The following CDYL2 variants were observed in gnomAD, a reference collection of about 807,000 sequenced individuals.
CDYL2 encodes chromodomain Y-like protein 2.
A neutral mutation model predicts 49.4 loss-of-function variants in CDYL2; 23 were observed. The ratio of observed to expected loss-of-function variants is 0.47; its 90% CI spans 0.34 to 0.66. The LOEUF is 0.66. CDYL2 is among the 30% of genes least tolerant of loss of function. CDYL2 has a pLI of 0.01. For synonymous variants in CDYL2, 360 were observed against 268.8 expected, an observed-to-expected ratio of 1.34 and a Z score of -3.32; for missense variants, 678 against 656.4, an observed-to-expected ratio of 1.03 and a Z score of -0.36.
intron 1 of CDYL2, among the ~76,000 whole-genome samples, chr16:80,750,644 G>A (rs555651398): frequency 8.8e-4 from 129 of 147,268 alleles, no homozygotes; most frequent in Middle Eastern, 3.8e-3. Context: ...ATCTGACTAA[G>A]CTAATAATCA....
chr16:80,724,101 A>C (rs1477863191), intron 1 of CDYL2, among the ~76,000 whole-genome samples: 4 of 151,272 alleles, frequency 2.6e-5, no homozygotes, highest in African/African-American at 9.7e-5. Flanking sequence ...GGAAGGAAAA[A>C]GAAGAGGAAG....
intron 2 of CDYL2, among the ~76,000 whole-genome samples, chr16:80,644,436 G>T (rs1409314085): frequency 2.0e-5 from 3 of 152,092 alleles, no homozygotes; most frequent in African/African-American, 7.2e-5. Context: ...CCACATTTTT[G>T]GGTACCTTTT....
rs373278730 is a variant in CDYL2, at chr16:80,623,240, G to A, written c.835-2305C>T. On this transcript the variant is annotated intron_variant, in intron 3 of 6. Coordinates refer to ENST00000570137, the MANE Select transcript of CDYL2 (RefSeq NM_152342.4). ...CCAGAAGGTCCACATGCGCCTCTGG[G>A]GCTACGGTTGGGCACAAGCTCCACT... Among the ~76,000 whole-genome samples the A allele has an allele frequency of 2.3e-4, 35 of 152,054 alleles. 2 individuals are homozygous for A. The South Asian group carries it at 6.7e-3, about 29-fold the overall frequency.
At chr16:80,689,673 G>A (rs540588457) in intron 1 of CDYL2, among the ~76,000 whole-genome samples, 3 of 152,318 alleles carry the variant, frequency 2.0e-5, no homozygotes, top group South Asian at 4.1e-4. Flanking sequence ...ACGGCTTCAC[G>A]GAAGTGACGC....
chr16:80,721,959 G>A (rs749460840), intron 1 of CDYL2, among the ~76,000 whole-genome samples: 2 of 152,188 alleles, frequency 1.3e-5, no homozygotes, highest in South Asian at 4.1e-4. Context: ...CCCAGTTCTG[G>A]TGTCTGTTAG....
chr16:80,721,541 G>A (rs1257385607), intron 1 of CDYL2, among the ~76,000 whole-genome samples: 4 of 152,176 alleles, frequency 2.6e-5, no homozygotes, highest in East Asian at 3.9e-4. Flanking sequence ...TGCCTTGTCT[G>A]CAGGAGCCCA....
intron 6 of CDYL2, among the ~76,000 whole-genome samples, chr16:80,606,033 C>T (rs980585637): frequency 2.6e-5 from 4 of 152,230 alleles, no homozygotes; most frequent in Admixed American, 1.3e-4. Flanking sequence ...GTGAGGCCTT[C>T]GTGCATTCTT....
rs112503776 is a variant in CDYL2 at position 80,765,929 on chromosome 16, G to C, written c.24+38221C>G. Among the ~76,000 whole-genome samples, 9 of 148,404 alleles carry C rather than the reference G, an allele frequency of 6.1e-5. No homozygotes were observed. In the East Asian group the frequency reaches 1.6e-3, roughly 26 times the overall value. On this transcript the variant is annotated intron_variant, in intron 1 of 6. Transcript: ENST00000570137. ...AAGTACTGATACAAGCGACAACATG[G>C]ATGAACCTTGAAAACATTATGTTAA... is the stretch of plus-strand genomic sequence containing the variant.
intron 1 of CDYL2, 51 bp from the exon 2 acceptor site, chr16:80,685,180 A>T: frequency 6.9e-7 from 1 of 1,458,752 alleles, no homozygotes. Context: ...GGAGGAAAAA[A>T]CTCAGTTCGA....
chr16:80,761,333 A>G (rs1271562679), intron 1 of CDYL2, among the ~76,000 whole-genome samples: 1 of 152,180 alleles, frequency 6.6e-6, no homozygotes, highest in Non-Finnish European at 1.5e-5. Context: ...TACCACTGTG[A>G]GCTTCTGTTT....
intron 1 of CDYL2, among the ~76,000 whole-genome samples, chr16:80,698,800 C>T (rs1904287153): frequency 6.6e-6 from 1 of 152,122 alleles, no homozygotes; most frequent in South Asian, 2.1e-4. Context: ...AGCCACTTTG[C>T]TTCCTGTAGA....
chr16:80,690,402 C>G (rs73593020), intron 1 of CDYL2, among the ~76,000 whole-genome samples: 135 of 152,296 alleles, frequency 8.9e-4, no homozygotes, highest in African/African-American at 3.0e-3. Context: ...ACCATCACCA[C>G]CTAACCTTGA....
chr16:80,780,786 A>G (rs1907239420), intron 1 of CDYL2, among the ~76,000 whole-genome samples: 1 of 152,174 alleles, frequency 6.6e-6, no homozygotes, highest in Non-Finnish European at 1.5e-5. Flanking sequence ...CAACAACATA[A>G]GGCTAATGTC....
At chr16:80,606,317 G>C (rs187377455) in intron 6 of CDYL2, among the ~76,000 whole-genome samples, 2 of 152,282 alleles carry the variant, frequency 1.3e-5, no homozygotes, top group East Asian at 3.9e-4. Context: ...CACAGCTTTT[G>C]GCAGCAGAGA....
At chr16:80,627,547 T>C (rs919100130) in intron 3 of CDYL2, 7 of 152,256 alleles carry the variant, frequency 4.6e-5, no homozygotes, top group African/African-American at 1.7e-4. Context: ...TCTCTTTTCT[T>C]TCCTTTTGGT....
chr16:80,673,296 G>A (rs1475006819), intron 2 of CDYL2, among the ~76,000 whole-genome samples: 1 of 151,928 alleles, frequency 6.6e-6, no homozygotes, highest in Non-Finnish European at 1.5e-5. Context: ...CTCCAGCCTG[G>A]GCGACAGAGC....
intron 1 of CDYL2, among the ~76,000 whole-genome samples, chr16:80,700,999 G>T (rs8047993): frequency 6.6e-6 from 1 of 152,072 alleles, no homozygotes; most frequent in African/African-American, 2.4e-5. Flanking sequence ...GCGGGCAGAA[G>T]ATCCCACTAA....
chr16:80,623,310 C>G (rs919071367), intron 3 of CDYL2, among the ~76,000 whole-genome samples: 55 of 152,190 alleles, frequency 3.6e-4, no homozygotes, highest in Admixed American at 3.5e-3. Flanking sequence ...AATCAATAGC[C>G]TCTCCTGGTC....
At chr16:80,689,369 G>A (rs1230618370) in intron 1 of CDYL2, among the ~76,000 whole-genome samples, 1 of 152,204 alleles carries the variant, frequency 6.6e-6, no homozygotes. Flanking sequence ...CATAGTTCCA[G>A]GAACTGTGTA....
Sources: gnomAD v4.1 joint callset for allele counts (sites outside exome capture counted in the v4.1 genomes callset) on GRCh38, gnomAD v4.1.1 for gene constraint, MANE v1.5 for transcripts, NCBI Gene and HGNC (gene_info 2026-07-23, HGNC 2026-07-21) for gene names.